Variants in TSC2 observed in about 807,000 individuals in gnomAD.
TSC2 encodes tuberin.
Under a neutral mutation model 202.2 loss-of-function variants are expected in TSC2, and 29 were observed. That is an observed-to-expected ratio of 0.14 (90% CI 0.11 to 0.20). The LOEUF is 0.20. Among genes scored for constraint, TSC2 ranks in the 10% least tolerant of loss-of-function variants. The pLI, the probability that TSC2 is intolerant of heterozygous loss-of-function variation, is 1.00. For missense variants in TSC2, 2,429 were observed against 2,420.0 expected (o/e 1.00, Z -0.08); for synonymous variants, 1,349 against 1,044.0 (o/e 1.29, Z -5.63).
chr16:2,050,836 C>G (rs1308959589), intron 3 of TSC2, among the ~76,000 whole-genome samples: 2 of 151,816 alleles, frequency 1.3e-5, no homozygotes, highest in Non-Finnish European at 2.9e-5. Context: ...AACCATATGC[C>G]TCAGCCTCCC....
intron 15 of TSC2, chr16:2,064,997 C>T (rs1239783008): frequency 1.5e-5 from 3 of 195,312 alleles, no homozygotes; most frequent in Admixed American, 1.1e-4. Context: ...ACCTGCAATC[C>T]CAGCTGCTCA....
rs201589515 is a variant in TSC2 at position 2,055,385 on chromosome 16, C to T, written c.482-17C>T. The stretch of plus-strand genomic sequence containing the variant: ...TAGATTCGGCGTCCTCGCAAACTGC[C>T]GCCGCTTCTCCCCCAGCTGACTTTG... On this transcript the variant is annotated splice_polypyrimidine_tract_variant and intron_variant, in intron 5 of 41. Transcript: ENST00000219476. 12 of 1,609,168 alleles carry T rather than the reference C, an allele frequency of 7.5e-6. No homozygotes were observed. In the East Asian group the frequency reaches 8.9e-5, roughly 12 times the overall value.
At chr16:2,074,593 T>C (rs1486611592) in intron 22 of TSC2, 1 of 648,906 alleles carries the variant, frequency 1.5e-6, no homozygotes, top group Non-Finnish European at 2.7e-6. Context: ...ACCCCTCTAG[T>C]GTCCATGTGA....
At chr16:2,063,170 G>A (rs957028378) in intron 14 of TSC2, 117 bp downstream of exon 14, 67 of 1,259,494 alleles carry the variant, frequency 5.3e-5, no homozygotes, top group Middle Eastern at 4.7e-4. Flanking sequence ...CGGTCCTGCC[G>A]GACCCTCTGC....
chr16:2,057,660 C>G (rs1273462112), intron 9 of TSC2, among the ~76,000 whole-genome samples: 1 of 152,156 alleles, frequency 6.6e-6, no homozygotes, highest in Non-Finnish European at 1.5e-5. Flanking sequence ...CCCGGGTGGC[C>G]TTTTTCTGAC....
chr16:2,081,792 A>C lies in TSC2; in HGVS notation c.3808A>C (p.Asn1270His). ...CAAACCCCCTCCTCTGCCTCGCTCC[A>C]ACACAGGTGAGTGGCATGGCGGGCC... is the stretch of plus-strand genomic sequence containing the variant. ...TAKPPPLPRS[N>H]TVASFSSLYQ... is the part of the protein sequence containing the mutation. Residue 1270 changes from asparagine to histidine, a missense_variant, in exon 31 of 42, where the codon AAC becomes CAC. By Grantham distance (68) the Asn-to-His change is moderately conservative. Transcript: ENST00000219476. The C allele has an allele frequency of 6.2e-7, 1 of 1,612,258 alleles. No homozygotes were observed.
chr16:2,059,953 G>A lies in TSC2; in HGVS notation c.976-717G>A, dbSNP rs575527224. On this transcript the variant is annotated intron_variant, in intron 10 of 41. Transcript: ENST00000219476. ...TGAGATTATAGGCATGAGCCACTGC[G>A]CGCAGCCCAAAGGCTTTATTCTCAA... Among the ~76,000 whole-genome samples the A allele has an allele frequency of 1.7e-4, 26 of 152,270 alleles. No homozygotes were observed. In the Middle Eastern group the frequency reaches 0.01, roughly 60 times the overall value.
Position 2,048,721 on chromosome 16 carries a change from A to G in TSC2, c.106A>G (p.Thr36Ala), listed in dbSNP as rs757113497. The change falls in exon 2 of 42, where the codon ACG (threonine) becomes GCG (alanine). Residue 36 changes from threonine (T) to alanine (A), a missense_variant. Physicochemically the swap from Thr to Ala is moderately conservative, Grantham distance 58. Transcript: ENST00000219476. ...TCCCAGGTCTGCAGAGGGTAAACAG[A>G]CGGAGTTTATCATCACCGCGGAAAT... ...PNPRSAEGKQ[T>A]EFIITAEILR... 3.1e-6 allele frequency: 5 copies of G among 1,613,936 alleles called. No homozygotes were observed. In the Admixed American group the frequency reaches 6.7e-5, roughly 22 times the overall value.
chr16:2,080,555 C>T (rs573943728), intron 30 of TSC2, 178 bp downstream of exon 30: 23 of 711,860 alleles, frequency 3.2e-5, no homozygotes, highest in African/African-American at 1.8e-4. Flanking sequence ...GCAATCTCGG[C>T]TCACTGCAAG....
intron 14 of TSC2, chr16:2,063,890 G>A (rs914499699): frequency 5.9e-5 from 22 of 372,652 alleles, no homozygotes; most frequent in South Asian, 6.7e-5. Context: ...AGGCACACAC[G>A]TGCACATGCC....
chr16:2,049,093 A>T (rs2084754995), intron 2 of TSC2, among the ~76,000 whole-genome samples: 1 of 149,524 alleles, frequency 6.7e-6, no homozygotes, highest in African/African-American at 2.5e-5. Flanking sequence ...TCTTTATTTT[A>T]TTTTTTTTTT....
In TSC2 at chr16:2,079,033, A is replaced by G. The variant is rs753730009; in HGVS notation, c.2968A>G (p.Arg990Gly). ...CCTGGTCACGGCCTCTCCCTCCAGC[A>G]GGATACAGACGTCCCTCACCAGTGC... ...ISVSEHVVRSRIQTSLTSASL... is the reference protein window; with the variant it reads ...ISVSEHVVRSGIQTSLTSASL... Residue 990 changes from arginine to glycine, a missense_variant and splice_region_variant, in exon 27 of 42, where the codon AGG becomes GGG. Coordinates refer to ENST00000219476, the MANE Select transcript of TSC2 (RefSeq NM_000548.5). This position sits in a 1 kb window ranked among gnomAD's most constrained non-coding sequence, Gnocchi z 4.6. 2 of 1,612,550 alleles carry G rather than the reference A, an allele frequency of 1.2e-6. No homozygotes were observed. The highest frequency in any genetic ancestry group is 2.7e-5 in the African/African-American group (2 of 74,900).
chr16:2,072,497 G>T (rs1419643157), intron 20 of TSC2, 134 bp downstream of exon 20: 1 of 1,414,026 alleles, frequency 7.1e-7, no homozygotes, highest in Non-Finnish European at 9.6e-7. Flanking sequence ...CTGCACTCTG[G>T]AGCGCAGATT....
Position 2,071,818 on chromosome 16 carries a change from G to A in TSC2, c.1981G>A (p.Gly661Ser), listed in dbSNP as rs137854168. The change falls in exon 19 of 42, where the codon GGC becomes AGC. Residue 661 changes from glycine to serine, a missense_variant. Physicochemically the swap from Gly to Ser is moderately conservative, Grantham distance 56. Transcript: ENST00000219476. ...PERGSEKKTSGPLSPPTGPPG... is the reference protein window; with the variant it reads ...PERGSEKKTSSPLSPPTGPPG... The stretch of plus-strand genomic sequence containing the variant: ...GAGAGGCTCTGAGAAGAAGACCAGC[G>A]GCCCCCTTTCTCCTCCCACAGGGCC... 9.0e-5 allele frequency: 144 copies of A among 1,601,062 alleles called. No homozygotes were observed. The highest frequency in any genetic ancestry group is 5.0e-4 in the East Asian group (22 of 44,318).
At chr16:2,087,750 G>A in intron 38 of TSC2, 113 bp from the exon 39 acceptor site, 1 of 1,317,318 alleles carries the variant, frequency 7.6e-7, no homozygotes, top group Middle Eastern at 2.2e-4. Flanking sequence ...AAGTTCAGGG[G>A]CAGATGCTGC....
At position 2,071,947 on chromosome 16, in the gene TSC2, G is replaced by A. The variant is rs367915255; in HGVS notation, c.2097+13G>A. On this transcript the variant is annotated intron_variant, in intron 19 of 41. Coordinates refer to ENST00000219476, the MANE Select transcript of TSC2 (RefSeq NM_000548.5). ...GTGCTTGAAGCAGGTGAGTGGGGCC[G>A]GGCAGGGACCATCCGTCCCACGTTG... 8.1e-5 allele frequency: 126 copies of A among 1,563,506 alleles called. No homozygotes were observed. The highest frequency in any genetic ancestry group is 9.8e-5 in the Non-Finnish European group (113 of 1,153,292).
rs2089786171 is a variant in TSC2, at chr16:2,079,034, G to A, written c.2969G>A (p.Arg990Lys). 6.2e-7 allele frequency: 1 copy of A among 1,612,708 alleles called. No homozygotes were observed. The highest frequency in any genetic ancestry group is 8.5e-7 in the Non-Finnish European group (1 of 1,180,014). The stretch of plus-strand genomic sequence containing the variant: ...CTGGTCACGGCCTCTCCCTCCAGCA[G>A]GATACAGACGTCCCTCACCAGTGCC... ...ISVSEHVVRSRIQTSLTSASL... is the reference protein window; with the variant it reads ...ISVSEHVVRSKIQTSLTSASL... Residue 990 changes from arginine to lysine, a missense_variant and splice_region_variant, in exon 27 of 42, where the codon AGG (arginine) becomes AAG (lysine). Coordinates refer to ENST00000219476, the MANE Select transcript of TSC2 (RefSeq NM_000548.5). The surrounding 1 kb of genome is among the most constrained non-coding windows in gnomAD (Gnocchi z 4.6).
intron 13 of TSC2, 147 bp from the exon 14 acceptor site, chr16:2,062,825 G>C (rs1397412103): frequency 1.3e-5 from 13 of 1,005,524 alleles, no homozygotes; most frequent in Non-Finnish European, 1.9e-5. Context: ...CGTCTGGAGA[G>C]ATGCTCCCTG....
chr16:2,048,189 C>T (rs1174097070), intron 1 of TSC2, 124 bp downstream of exon 1: 6 of 1,534,332 alleles, frequency 3.9e-6, no homozygotes, highest in Non-Finnish European at 4.4e-6. Flanking sequence ...CTCCGGAGCT[C>T]CGAGCATCCC....
Sources: gnomAD v4.1 joint callset for allele counts (sites outside exome capture counted in the v4.1 genomes callset) on GRCh38, gnomAD v4.1.1 for gene constraint, Gnocchi (gnomAD v3.1) non-coding constraint, MANE v1.5 for transcripts, NCBI Gene and HGNC (gene_info 2026-07-23, HGNC 2026-07-21) for gene names.